The following SLIT1 variants were observed in gnomAD, a reference collection of about 807,000 sequenced individuals.
SLIT1 encodes slit homolog 1 protein.
Under a neutral mutation model 186.1 loss-of-function variants are expected in SLIT1, and 66 were observed. That is an observed-to-expected ratio of 0.35 (90% CI 0.29 to 0.44). The LOEUF (loss-of-function observed/expected upper bound fraction) is 0.44, where lower values mean the gene tolerates loss of function less well. Among genes scored for constraint, SLIT1 ranks in the 20% least tolerant of loss-of-function variants. The pLI, the probability that SLIT1 is intolerant of heterozygous loss-of-function variation, is 1.00. For synonymous variants in SLIT1, 761 were observed against 833.8 expected (o/e 0.91, Z 1.50); for missense variants, 1,638 against 2,037.4 (o/e 0.80, Z 3.77).
At chr10:97,041,707 G>C (rs889330270) in intron 20 of SLIT1, among the ~76,000 whole-genome samples, 2 of 152,126 alleles carry the variant, frequency 1.3e-5, no homozygotes, top group Non-Finnish European at 2.9e-5. Flanking sequence ...CCTGACCTCA[G>C]GGATCTGCCC....
intron 18 of SLIT1, among the ~76,000 whole-genome samples, chr10:97,045,667 T>C (rs1848727999): frequency 6.6e-6 from 1 of 152,150 alleles, no homozygotes; most frequent in Non-Finnish European, 1.5e-5. Context: ...AGGCAGCCTA[T>C]AGGAACAGCC....
At chr10:97,085,748 C>T (rs939830799) in intron 4 of SLIT1, among the ~76,000 whole-genome samples, 1 of 152,204 alleles carries the variant, frequency 6.6e-6, no homozygotes, top group Admixed American at 6.5e-5. Context: ...TATCTATCTC[C>T]TTCATTTAAT....
rs1017631121 is a variant in SLIT1 at position 97,003,076 on chromosome 10, T to C, written c.3866-84A>G. 8 of 1,338,232 alleles carry C rather than the reference T, an allele frequency of 6.0e-6. No homozygotes were observed. The Admixed American group carries it at 9.7e-5, about 16-fold the overall frequency. 82.9% of individuals were successfully genotyped at this position (1,338,232 alleles called of 1,614,324 possible). ...CACCCCTGAGGTCTGGGCAGCTCCA[T>C]GGCCTTCCCTCTTGCCTGCGGCCTC... On this transcript the variant is annotated intron_variant, in intron 34 of 36. Coordinates refer to ENST00000266058, the MANE Select transcript of SLIT1 (RefSeq NM_003061.3).
At chr10:97,078,631 C>T (rs1031025020) in intron 4 of SLIT1, among the ~76,000 whole-genome samples, 1 of 147,952 alleles carries the variant, frequency 6.8e-6, no homozygotes, top group Admixed American at 6.7e-5. Flanking sequence ...GGCTCAGGGG[C>T]ACACAGAAGA....
intron 3 of SLIT1, among the ~76,000 whole-genome samples, chr10:97,159,123 C>A (rs555402060): frequency 2.0e-4 from 30 of 152,290 alleles, no homozygotes. Context: ...CAAGGGACAA[C>A]TGTATGATAA....
chr10:97,122,428 C>A (rs1849567591), intron 4 of SLIT1, among the ~76,000 whole-genome samples: 1 of 152,184 alleles, frequency 6.6e-6, no homozygotes, highest in Non-Finnish European at 1.5e-5. Flanking sequence ...AAAGGTGAAG[C>A]CACGGTGTCG....
chr10:97,042,806 G>C, intron 20 of SLIT1, 95 bp downstream of exon 20: 1 of 1,353,388 alleles, frequency 7.4e-7, no homozygotes, highest in South Asian at 1.3e-5. Context: ...ATGCCAGGGG[G>C]TGCTGCCTGT....
At chr10:97,076,504 A>C (rs538218299) in intron 4 of SLIT1, among the ~76,000 whole-genome samples, 4 of 152,196 alleles carry the variant, frequency 2.6e-5, no homozygotes, top group South Asian at 4.1e-4. Flanking sequence ...AAGGGGAATT[A>C]ATTCTGCAAG....
intron 18 of SLIT1, among the ~76,000 whole-genome samples, chr10:97,044,927 G>T (rs1350535383): frequency 2.6e-5 from 4 of 152,228 alleles, no homozygotes; most frequent in Non-Finnish European, 4.4e-5. Flanking sequence ...TCTTTGGGAG[G>T]TAATGAGGTC....
chr10:97,037,617 C>T (rs1305638881), intron 22 of SLIT1, 81 bp downstream of exon 22: 21 of 1,073,636 alleles, frequency 2.0e-5, no homozygotes, highest in Middle Eastern at 4.0e-4. Flanking sequence ...AAGTGAGGTC[C>T]GTAGGAAATT....
chr10:97,113,346 G>A (rs1051699399), intron 4 of SLIT1, among the ~76,000 whole-genome samples: 4 of 151,760 alleles, frequency 2.6e-5, no homozygotes, highest in East Asian at 1.9e-4. Context: ...TCAAGCGACT[G>A]TCCTGCCTCA....
intron 3 of SLIT1, among the ~76,000 whole-genome samples, chr10:97,158,321 A>G (rs1849978239): frequency 6.6e-6 from 1 of 150,386 alleles, no homozygotes. Context: ...TTGGCTCAAC[A>G]GAGGTTTCAC....
At chr10:97,183,286 C>T (rs1850366492) in intron 1 of SLIT1, among the ~76,000 whole-genome samples, 1 of 152,200 alleles carries the variant, frequency 6.6e-6, no homozygotes, top group Non-Finnish European at 1.5e-5. Flanking sequence ...GGGCTCACTC[C>T]CTGCTGACGC....
In SLIT1 at chr10:97,004,762, A is replaced by G; in HGVS notation, c.3641T>C (p.Val1214Ala). The G allele has an allele frequency of 6.2e-7, 1 of 1,614,132 alleles. No homozygotes were observed. The highest frequency in any genetic ancestry group is 8.5e-7 in the Non-Finnish European group (1 of 1,180,000). ...ACGCACATGGCCCTGGTACAGCTCA[A>G]CTGCAATGTGGTCGTTGTCCCCGTT... ...LYNGDNDHIA[V>A]ELYQGHVRVS... is the part of the protein sequence containing the mutation. Residue 1214 changes from valine (V) to alanine (A), a missense_variant, in exon 33 of 37, where the codon GTT (valine) becomes GCT (alanine). By Grantham distance (64) the Val-to-Ala change is moderately conservative. Coordinates refer to ENST00000266058, the MANE Select transcript of SLIT1 (RefSeq NM_003061.3). This position sits in a 1 kb window ranked among gnomAD's most constrained non-coding sequence, Gnocchi z 5.1.
rs559204985 is a variant in SLIT1 at position 97,018,909 on chromosome 10, G to A, written c.2871+74C>T. On this transcript the variant is annotated intron_variant, in intron 27 of 36. Transcript: ENST00000266058. ...AAGCATCTGCTCTGAGTCAGGCAGT[G>A]CTCTGGGCCCTGGGGACAGCCCTGC... The A allele has an allele frequency of 6.0e-4, 534 of 887,472 alleles. 1 individual carries two copies. Among genetic ancestry groups the A allele is most frequent in the Non-Finnish European group, 8.0e-4 (438 of 550,890 alleles). 55.0% of individuals were successfully genotyped at this position (887,472 alleles called of 1,614,324 possible).
Position 97,043,257 on chromosome 10 carries a change from C to T in SLIT1, c.1997+113G>A, listed in dbSNP as rs1216210423. ...TCGAAATGTGGAACCCACGTTTCAG[C>T]AAACCACGAAGACCCAGCACCCCCA... On this transcript the variant is annotated intron_variant, in intron 19 of 36. Coordinates refer to ENST00000266058, the MANE Select transcript of SLIT1 (RefSeq NM_003061.3). This position sits in a 1 kb window ranked among gnomAD's most constrained non-coding sequence, Gnocchi z 7.0. The T allele has an allele frequency of 1.5e-5, 21 of 1,437,532 alleles. No homozygotes were observed. Among genetic ancestry groups the T allele is most frequent in the Admixed American group, 5.6e-5 (3 of 53,224 alleles). 89.0% of individuals were successfully genotyped at this position (1,437,532 alleles called of 1,614,324 possible).
rs190947384 is a variant in SLIT1 at position 97,140,001 on chromosome 10, G to C, written c.413+17817C>G. On this transcript the variant is annotated intron_variant, in intron 4 of 36. Coordinates refer to ENST00000266058, the MANE Select transcript of SLIT1 (RefSeq NM_003061.3). ...TGTGCTGATTTCTGGCACTTAGCCT[G>C]AAGCTCCCCTCTTCCTCTCTGTCTT... Among the ~76,000 whole-genome samples the C allele has an allele frequency of 2.7e-3, 410 of 152,272 alleles. 2 individuals are homozygous for C. The highest frequency in any genetic ancestry group is 9.2e-3 in the African/African-American group (383 of 41,550).
intron 4 of SLIT1, among the ~76,000 whole-genome samples, chr10:97,100,394 C>G (rs971117023): frequency 2.6e-5 from 4 of 152,084 alleles, no homozygotes; most frequent in Non-Finnish European, 4.4e-5. Context: ...GAGGCCAAGG[C>G]AGGAGGATCA....
At chr10:97,146,563 C>CCT (rs1478746031) in intron 4 of SLIT1, among the ~76,000 whole-genome samples, 1 of 151,884 alleles carries the variant, frequency 6.6e-6, no homozygotes, top group Non-Finnish European at 1.5e-5. Flanking sequence ...ACCCCAGCCC[C>CCT]CCCCACTGAA....
Sources: allele counts gnomAD v4.1 joint callset (sites outside exome capture counted in the v4.1 genomes callset), GRCh38; gene constraint gnomAD v4.1.1; non-coding constraint Gnocchi (gnomAD v3.1); transcripts MANE v1.5; gene names NCBI Gene and HGNC (gene_info 2026-07-23, HGNC 2026-07-21).